PDE10A: variants seen among roughly 807,000 people sequenced by gnomAD.
PDE10A encodes the protein phosphodiesterase 10A.
PDE10A carries 39 observed loss-of-function variants against 97.7 expected under a neutral mutation model. That is an observed-to-expected ratio of 0.40 (90% CI 0.31 to 0.52). PDE10A has a LOEUF of 0.52. PDE10A is among the 20% of genes least tolerant of loss of function. The pLI is 0.56. For missense variants in PDE10A, 731 were observed against 1,047.8 expected, an observed-to-expected ratio of 0.70 and a Z score of 4.17; for synonymous variants, 371 against 376.8, an observed-to-expected ratio of 0.98 and a Z score of 0.18.
At chr6:165,749,223 T>G (rs62427262) in intron 1 of PDE10A, among the ~76,000 whole-genome samples, 3 of 5,604 alleles carry the variant, frequency 5.4e-4, no homozygotes, top group African/African-American at 1.6e-3. Flanking sequence ...ATCACCATCA[T>G]ATCACCATCA....
intron 1 of PDE10A, among the ~76,000 whole-genome samples, chr6:165,841,226 T>C (rs1780249239): frequency 1.3e-5 from 2 of 152,230 alleles, no homozygotes; most frequent in Admixed American, 1.3e-4. Context: ...AATCGATACA[T>C]TGATTCAGGG....
At chr6:165,486,995 T>C (rs1278609015) in intron 2 of PDE10A, among the ~76,000 whole-genome samples, 1 of 152,202 alleles carries the variant, frequency 6.6e-6, no homozygotes, top group South Asian at 2.1e-4. Flanking sequence ...GGCTGACACG[T>C]GATCACCTAC....
At chr6:165,872,400 C>T (rs765328112) in intron 1 of PDE10A, among the ~76,000 whole-genome samples, 1 of 152,168 alleles carries the variant, frequency 6.6e-6, no homozygotes, top group Non-Finnish European at 1.5e-5. Flanking sequence ...GGTGCTGACG[C>T]CCACTGAACA....
intron 13 of PDE10A, among the ~76,000 whole-genome samples, chr6:165,402,653 T>C (rs1228563137): frequency 6.6e-6 from 1 of 152,116 alleles, no homozygotes; most frequent in Non-Finnish European, 1.5e-5. Flanking sequence ...GGCCTATCAG[T>C]CTTAGGCACG....
intron 1 of PDE10A, among the ~76,000 whole-genome samples, chr6:165,843,070 T>A (rs1357511078): frequency 6.6e-6 from 1 of 152,244 alleles, no homozygotes; most frequent in Non-Finnish European, 1.5e-5. Context: ...GGCCCCGCTG[T>A]GCTCAGCCCA....
intron 1 of PDE10A, among the ~76,000 whole-genome samples, chr6:165,679,415 A>G (rs1790914787): frequency 6.6e-6 from 1 of 152,184 alleles, no homozygotes; most frequent in Admixed American, 6.5e-5. Flanking sequence ...AAGCCCAGAG[A>G]AGGATTCTGG....
intron 1 of PDE10A, among the ~76,000 whole-genome samples, chr6:165,628,046 C>A (rs1337163106): frequency 6.6e-6 from 1 of 152,136 alleles, no homozygotes; most frequent in Non-Finnish European, 1.5e-5. Context: ...AACAAAAATG[C>A]CTGTGAATTA....
At chr6:165,840,634 G>A (rs896510375) in intron 1 of PDE10A, among the ~76,000 whole-genome samples, 5 of 152,140 alleles carry the variant, frequency 3.3e-5, no homozygotes, top group African/African-American at 1.2e-4. Context: ...TGTCTTCAAG[G>A]TGCACACTTG....
chr6:165,724,770 G>C (rs1792250998), intron 1 of PDE10A, among the ~76,000 whole-genome samples: 1 of 152,208 alleles, frequency 6.6e-6, no homozygotes, highest in Non-Finnish European at 1.5e-5. Flanking sequence ...AACATCGCAG[G>C]AAGCAGTCAA....
chr6:165,631,588 T>C (rs1788632022), intron 1 of PDE10A, among the ~76,000 whole-genome samples: 1 of 152,220 alleles, frequency 6.6e-6, no homozygotes, highest in Non-Finnish European at 1.5e-5. Context: ...AGTATGTCAT[T>C]ATTTGTATGT....
intron 1 of PDE10A, among the ~76,000 whole-genome samples, chr6:165,862,598 C>T (rs1244021259): frequency 1.3e-5 from 2 of 151,782 alleles, no homozygotes; most frequent in Middle Eastern, 3.2e-3. Flanking sequence ...CTGATGAATT[C>T]AGGACCACAC....
chr6:165,814,589 C>T (rs181232553), intron 1 of PDE10A, among the ~76,000 whole-genome samples: 2 of 152,092 alleles, frequency 1.3e-5, no homozygotes, highest in Admixed American at 1.3e-4. Flanking sequence ...TTTAAAAATT[C>T]CTAATTCCTT....
intron 1 of PDE10A, among the ~76,000 whole-genome samples, chr6:165,670,615 A>C (rs902074794): frequency 1.6e-4 from 24 of 152,238 alleles, no homozygotes; most frequent in Non-Finnish European, 3.4e-4. Flanking sequence ...ATCTTATGTA[A>C]TTGACAAACA....
At chr6:165,797,408 G>A (rs985858130) in intron 1 of PDE10A, among the ~76,000 whole-genome samples, 1 of 152,182 alleles carries the variant, frequency 6.6e-6, no homozygotes, top group African/African-American at 2.4e-5. Context: ...ATATACGAGT[G>A]TGGATTTTTT....
At chr6:165,832,725 A>T (rs1027021852) in intron 1 of PDE10A, among the ~76,000 whole-genome samples, 1 of 152,246 alleles carries the variant, frequency 6.6e-6, no homozygotes, top group African/African-American at 2.4e-5. Context: ...GCAATGACTG[A>T]TACACTTAAT....
chr6:165,947,414 T>G (rs1306271934), intron 1 of PDE10A, among the ~76,000 whole-genome samples: 2 of 152,218 alleles, frequency 1.3e-5, no homozygotes, highest in Non-Finnish European at 2.9e-5. Flanking sequence ...AATGTCTAGA[T>G]CTGCATTAAA....
At chr6:165,401,368 T>C (rs73031856) in intron 13 of PDE10A, among the ~76,000 whole-genome samples, 4,763 of 152,312 alleles carry the variant, frequency 0.031, 101 homozygotes, top group Middle Eastern at 0.054. Context: ...TCAGTGTTAA[T>C]GTCACTGGCA....
rs965998795 is a variant in PDE10A, at chr6:165,691,591, GCACACACA to G, written c.-614-148031_-614-148024del. ...CCCATGCGCACGCATGCACGCGCGC[GCACACACA>G]CACACACACACACACACACACACAC... is the stretch of plus-strand genomic sequence containing the variant. On this transcript the variant is annotated intron_variant, in intron 1 of 19. Coordinates refer to the PDE10A transcript ENST00000366882. Among the ~76,000 whole-genome samples the G allele has an allele frequency of 2.1e-3, 109 of 51,658 alleles. 2 individuals are homozygous for G. The highest frequency in any genetic ancestry group is 3.7e-3 in the South Asian group (7 of 1,888). The allele number at this position is 51,658 out of a possible 152,430, so 33.9% of individuals were successfully genotyped here.
intron 2 of PDE10A, among the ~76,000 whole-genome samples, chr6:165,541,125 C>G (rs990715308): frequency 6.6e-6 from 1 of 152,096 alleles, no homozygotes; most frequent in Non-Finnish European, 1.5e-5. Context: ...CTAGGCTGCA[C>G]AGTGGAATGT....
Sources: allele counts gnomAD v4.1 joint callset (sites outside exome capture counted in the v4.1 genomes callset), GRCh38; gene constraint gnomAD v4.1.1; transcripts MANE v1.5; gene names NCBI Gene and HGNC (gene_info 2026-07-23, HGNC 2026-07-21).